The following SHISA9 variants were observed in gnomAD, a reference collection of about 807,000 sequenced individuals.
SHISA9 encodes protein shisa-9.
Under a neutral mutation model 38.0 loss-of-function variants are expected in SHISA9, and 13 were observed. The observed-to-expected ratio is 0.34, with a 90% CI of 0.22 to 0.54. The LOEUF (loss-of-function observed/expected upper bound fraction) is 0.54, where lower values mean the gene tolerates loss of function less well. SHISA9 is among the 20% of genes least tolerant of loss of function. The probability of loss-of-function intolerance (pLI) is 0.91; values close to 1 mark genes in which losing one functional copy is unlikely to be tolerated. For synonymous variants in SHISA9, 275 were observed against 242.0 expected, an observed-to-expected ratio of 1.14 and a Z score of -1.27; for missense variants, 538 against 575.8, an observed-to-expected ratio of 0.93 and a Z score of 0.67.
intron 2 of SHISA9, among the ~76,000 whole-genome samples, chr16:13,001,540 A>G (rs2072526002): frequency 1.3e-5 from 2 of 152,228 alleles, no homozygotes; most frequent in Admixed American, 1.3e-4. Context: ...GGTAGAAAAA[A>G]ATCAAAACGT....
chr16:13,157,287 G>T (rs2050555976), intron 2 of SHISA9, among the ~76,000 whole-genome samples: 1 of 152,198 alleles, frequency 6.6e-6, no homozygotes, highest in African/African-American at 2.4e-5. Flanking sequence ...GAAGTTGTTT[G>T]TGTGAAGCTT....
chr16:13,548,867 A>G, the SHISA9 span, among the ~76,000 whole-genome samples: 2 of 152,206 alleles, frequency 1.3e-5, no homozygotes, highest in Non-Finnish European at 2.9e-5. Context: ...CTGGGTATAT[A>G]TACAAAGAAA....
the SHISA9 span, among the ~76,000 whole-genome samples, chr16:13,558,039 T>A: frequency 2.6e-5 from 4 of 152,122 alleles, no homozygotes; most frequent in South Asian, 8.3e-4. Flanking sequence ...CTAGCCTGGG[T>A]GACAGAGACC....
At chr16:13,542,403 G>C in the SHISA9 span, among the ~76,000 whole-genome samples, 4 of 152,204 alleles carry the variant, frequency 2.6e-5, no homozygotes, top group African/African-American at 9.7e-5. Context: ...TCATCAGGAA[G>C]CTCCTGTGGG....
At chr16:13,324,016 A>T in the SHISA9 span, among the ~76,000 whole-genome samples, 3 of 152,042 alleles carry the variant, frequency 2.0e-5, no homozygotes, top group Non-Finnish European at 4.4e-5. Flanking sequence ...TTCATGTAAG[A>T]GCTGGGTGTT....
chr16:13,045,755 GC>G (rs1208798479), intron 2 of SHISA9, among the ~76,000 whole-genome samples: 4 of 90,698 alleles, frequency 4.4e-5, no homozygotes, highest in South Asian at 5.8e-4. Context: ...GCTGTCCCCT[GC>G]CCCCACTGTG....
chr16:13,247,708 C>T, the SHISA9 span, among the ~76,000 whole-genome samples: 1 of 152,212 alleles, frequency 6.6e-6, no homozygotes, highest in Non-Finnish European at 1.5e-5. Flanking sequence ...TCAAAGAAAG[C>T]ATTTCCCATC....
At chr16:13,125,028 A>G (rs1329510917) in intron 2 of SHISA9, among the ~76,000 whole-genome samples, 3 of 152,194 alleles carry the variant, frequency 2.0e-5, no homozygotes, top group Non-Finnish European at 4.4e-5. Flanking sequence ...CAAAAACATG[A>G]GACACAATCT....
intron 2 of SHISA9, among the ~76,000 whole-genome samples, chr16:13,130,597 A>T (rs1471887754): frequency 6.6e-6 from 1 of 152,138 alleles, no homozygotes; most frequent in Non-Finnish European, 1.5e-5. Flanking sequence ...TTTTATTTTC[A>T]TAGGTTTAGG....
the SHISA9 span, among the ~76,000 whole-genome samples, chr16:13,365,239 C>T: frequency 6.6e-6 from 1 of 152,270 alleles, no homozygotes; most frequent in Non-Finnish European, 1.5e-5. Context: ...TAATAAGGGA[C>T]TGAACCAGGC....
At chr16:13,411,856 A>G in the SHISA9 span, among the ~76,000 whole-genome samples, 16 of 152,326 alleles carry the variant, frequency 1.1e-4, no homozygotes, top group African/African-American at 3.1e-4. Context: ...GTTATTTGCT[A>G]CCAGAAAGAG....
chr16:13,560,384 G>A, the SHISA9 span, among the ~76,000 whole-genome samples: 6 of 152,088 alleles, frequency 3.9e-5, no homozygotes, highest in African/African-American at 1.4e-4. Flanking sequence ...AGGATCACAT[G>A]GTCTAATCAT....
At chr16:12,919,271 A>G (rs1041004666) in intron 2 of SHISA9, among the ~76,000 whole-genome samples, 36 of 152,230 alleles carry the variant, frequency 2.4e-4, no homozygotes, top group African/African-American at 8.7e-4. Context: ...TTAATATAAA[A>G]CCCTTCCCTG....
In SHISA9 at chr16:13,140,392, G is replaced by T. The variant is rs59072689; in HGVS notation, c.692-63002G>T. Among the ~76,000 whole-genome samples, 502 of 152,002 alleles carry T rather than the reference G, an allele frequency of 3.3e-3. 5 individuals are homozygous for T. Among genetic ancestry groups the T allele is most frequent in the African/African-American group, 0.012 (479 of 41,450 alleles). On this transcript the variant is annotated intron_variant, in intron 2 of 4. Coordinates refer to ENST00000558583, the MANE Select transcript of SHISA9 (RefSeq NM_001145204.3). ...GGGTTTCACTGTGTTGGCCAGGCTG[G>T]TCTCAAACTCCTGACCTCAGGTGAT...
the SHISA9 span, among the ~76,000 whole-genome samples, chr16:13,531,518 AG>A: frequency 5.9e-5 from 9 of 152,062 alleles, no homozygotes; most frequent in Non-Finnish European, 1.2e-4. Flanking sequence ...GTTTAAACCC[AG>A]GCAGCCAAGT....
the SHISA9 span, among the ~76,000 whole-genome samples, chr16:13,258,101 A>G: frequency 6.6e-6 from 1 of 152,196 alleles, no homozygotes; most frequent in Non-Finnish European, 1.5e-5. Context: ...TCTTGACACC[A>G]TTTAGCCATC....
At chr16:13,265,665 A>G in the SHISA9 span, among the ~76,000 whole-genome samples, 1 of 149,800 alleles carries the variant, frequency 6.7e-6, no homozygotes, top group African/African-American at 2.5e-5. Context: ...TTCAACAAAT[A>G]TTCATCGAGT....
At chr16:13,223,836 G>A (rs888265461) in intron 4 of SHISA9, among the ~76,000 whole-genome samples, 1 of 152,178 alleles carries the variant, frequency 6.6e-6, no homozygotes, top group Non-Finnish European at 1.5e-5. Flanking sequence ...TGTCAAAGAA[G>A]CAATATTCAT....
the SHISA9 span, among the ~76,000 whole-genome samples, chr16:13,509,236 C>T: frequency 2.6e-5 from 4 of 151,280 alleles, no homozygotes; most frequent in Admixed American, 6.6e-5. Flanking sequence ...ATGACAATTC[C>T]GGCAGCAAGC....
Sources: gnomAD v4.1 joint callset for allele counts (sites outside exome capture counted in the v4.1 genomes callset) on GRCh38, gnomAD v4.1.1 for gene constraint, MANE v1.5 for transcripts, NCBI Gene and HGNC (gene_info 2026-07-23, HGNC 2026-07-21) for gene names.